Variants in RCAN1 observed in about 807,000 individuals in gnomAD.
The protein encoded by RCAN1 is regulator of calcineurin 1.
Under a neutral mutation model 22.9 loss-of-function variants are expected in RCAN1, and 11 were observed. That is an observed-to-expected ratio of 0.48 (90% CI 0.30 to 0.79). The LOEUF (loss-of-function observed/expected upper bound fraction) is 0.79, where lower values mean the gene tolerates loss of function less well. Ranked by LOEUF, RCAN1 falls within the 30% of genes least tolerant of loss-of-function variation. The pLI is 0.06. For synonymous variants in RCAN1, 136 were observed against 142.3 expected (o/e 0.96, Z 0.32); for missense variants, 291 against 337.8 (o/e 0.86, Z 1.09).
Position 34,533,638 on chromosome 21 carries a change from T to A in RCAN1, c.253-9928A>T, listed in dbSNP as rs555642629. Among the ~76,000 whole-genome samples the A allele has an allele frequency of 1.3e-5, 2 of 152,314 alleles. 1 individual carries two copies. The highest frequency in any genetic ancestry group is 4.1e-4 in the South Asian group (2 of 4,830). ...ACTCCCCGCCCTCTTGGAGCTTACA[T>A]TCCAGATGGGGAAAAAAGACACAAA... On this transcript the variant is annotated intron_variant, in intron 1 of 3. Coordinates refer to ENST00000313806, the MANE Select transcript of RCAN1 (RefSeq NM_004414.7).
chr21:34,599,992 G>C (rs893962563), intron 1 of RCAN1, among the ~76,000 whole-genome samples: 1 of 152,072 alleles, frequency 6.6e-6, no homozygotes, highest in Admixed American at 6.6e-5. Flanking sequence ...TGGCTAGAAG[G>C]GTAGATAAGG....
chr21:34,559,725 A>C (rs1424223859), intron 1 of RCAN1: 2 of 152,204 alleles, frequency 1.3e-5, no homozygotes, highest in African/African-American at 4.8e-5. Context: ...AAGTTTCTCT[A>C]AAACCTGGAG....
chr21:34,525,276 G>A, intron 1 of RCAN1: 1 of 1,550,570 alleles, frequency 6.4e-7, no homozygotes, highest in South Asian at 1.2e-5. Context: ...TTAAGGAGCA[G>A]TCGGAACAAC....
intron 3 of RCAN1, among the ~76,000 whole-genome samples, chr21:34,520,572 C>A (rs949988030): frequency 1.3e-5 from 2 of 152,102 alleles, no homozygotes; most frequent in African/African-American, 2.4e-5. Flanking sequence ...AACCCTCAAC[C>A]CAAGGGAACA....
chr21:34,535,459 G>A (rs1985626835), intron 1 of RCAN1, among the ~76,000 whole-genome samples: 1 of 151,532 alleles, frequency 6.6e-6, no homozygotes, highest in African/African-American at 2.4e-5. Context: ...AGAAAATACG[G>A]GAGGTGCTGG....
At chr21:34,588,901 T>C (rs1421065318) in intron 1 of RCAN1, among the ~76,000 whole-genome samples, 1 of 152,202 alleles carries the variant, frequency 6.6e-6, no homozygotes. Context: ...CTTCAGGACA[T>C]TATGCTAAGT....
At chr21:34,555,691 T>A (rs956516618) in intron 1 of RCAN1, among the ~76,000 whole-genome samples, 1 of 151,912 alleles carries the variant, frequency 6.6e-6, no homozygotes, top group Admixed American at 6.6e-5. Flanking sequence ...AGGAGCTGAA[T>A]ATAGGGAGTT....
chr21:34,589,471 T>G (rs756048774), intron 1 of RCAN1, among the ~76,000 whole-genome samples: 3 of 152,148 alleles, frequency 2.0e-5, no homozygotes, highest in Non-Finnish European at 4.4e-5. Flanking sequence ...ACATGATCGT[T>G]GAAAAAATAA....
At chr21:34,581,366 G>A (rs1426344581) in intron 1 of RCAN1, among the ~76,000 whole-genome samples, 1 of 152,150 alleles carries the variant, frequency 6.6e-6, no homozygotes, top group Non-Finnish European at 1.5e-5. Context: ...TACAAGTTAA[G>A]GAGTATTCAA....
At chr21:34,568,573 T>A (rs1987118237) in intron 1 of RCAN1, among the ~76,000 whole-genome samples, 1 of 152,194 alleles carries the variant, frequency 6.6e-6, no homozygotes, top group Non-Finnish European at 1.5e-5. Flanking sequence ...TAGAGGGCTC[T>A]CCTTACATCC....
intron 1 of RCAN1, among the ~76,000 whole-genome samples, chr21:34,529,220 A>T (rs1309255570): frequency 1.3e-5 from 2 of 152,226 alleles, no homozygotes; most frequent in African/African-American, 4.8e-5. Flanking sequence ...ACTGGTTCAC[A>T]AATTGTACCA....
intron 1 of RCAN1, among the ~76,000 whole-genome samples, chr21:34,584,411 C>T (rs1987719605): frequency 6.6e-6 from 1 of 150,802 alleles, no homozygotes; most frequent in African/African-American, 2.4e-5. Context: ...CAGATGTCAC[C>T]ATGGTTAAAA....
At chr21:34,603,278 T>C (rs1180106167) in intron 1 of RCAN1, among the ~76,000 whole-genome samples, 3 of 151,996 alleles carry the variant, frequency 2.0e-5, no homozygotes, top group Non-Finnish European at 4.4e-5. Context: ...GGTGCAAAGC[T>C]CTCCGGCCCC....
chr21:34,567,756 C>T (rs756951271), intron 1 of RCAN1, among the ~76,000 whole-genome samples: 6 of 152,150 alleles, frequency 3.9e-5, no homozygotes, highest in Non-Finnish European at 7.3e-5. Flanking sequence ...CCTAGCAGCA[C>T]GGGCGCCACT....
At chr21:34,550,439 G>C (rs539368722) in intron 1 of RCAN1, among the ~76,000 whole-genome samples, 1 of 152,260 alleles carries the variant, frequency 6.6e-6, no homozygotes, top group African/African-American at 2.4e-5. Flanking sequence ...TTAAATTGAG[G>C]CCATTAAGGA....
At chr21:34,535,677 C>T (rs1332191349) in intron 1 of RCAN1, among the ~76,000 whole-genome samples, 1 of 151,838 alleles carries the variant, frequency 6.6e-6, no homozygotes, top group East Asian at 1.9e-4. Flanking sequence ...TGAATTACTA[C>T]AAGAGAGTTT....
chr21:34,518,182 C>G lies in RCAN1; in HGVS notation c.661G>C (p.Glu221Gln). ...VVVHVCESDQ[E>Q]KEEEEEMERM... ...TCCATTTCCTCTTCTTCCTCCTTCT[C>G]TTGATCACTCTCACATACATGGACC... is the stretch of plus-strand genomic sequence containing the variant. Residue 221 changes from glutamate to glutamine, a missense_variant, in exon 4 of 4, where the codon GAG becomes CAG. Coordinates refer to ENST00000313806, the MANE Select transcript of RCAN1 (RefSeq NM_004414.7). The surrounding 1 kb of genome is among the most constrained non-coding windows in gnomAD (Gnocchi z 4.2). 6.2e-7 allele frequency: 1 copy of G among 1,614,224 alleles called. No homozygotes were observed. The highest frequency in any genetic ancestry group is 8.5e-7 in the Non-Finnish European group (1 of 1,180,044).
chr21:34,528,717 T>TC (rs1347632527), intron 1 of RCAN1, among the ~76,000 whole-genome samples: 1 of 152,068 alleles, frequency 6.6e-6, no homozygotes, highest in Non-Finnish European at 1.5e-5. Flanking sequence ...ACTCTTTGTC[T>TC]CCCCCTTTTC....
At chr21:34,538,419 T>C (rs1027702015) in intron 1 of RCAN1, among the ~76,000 whole-genome samples, 2 of 152,144 alleles carry the variant, frequency 1.3e-5, no homozygotes, top group African/African-American at 4.8e-5. Context: ...ACAGTGGCTC[T>C]ACTGTCCTCT....
Sources: allele counts gnomAD v4.1 joint callset (sites outside exome capture counted in the v4.1 genomes callset), GRCh38; gene constraint gnomAD v4.1.1; non-coding constraint Gnocchi (gnomAD v3.1); transcripts MANE v1.5; gene names NCBI Gene and HGNC (gene_info 2026-07-23, HGNC 2026-07-21).